Variants in DMBT1 observed in about 807,000 individuals in gnomAD.
DMBT1 encodes the protein deleted in malignant brain tumors 1.
DMBT1 carries 198 observed loss-of-function variants against 252.9 expected under a neutral mutation model. That is an observed-to-expected ratio of 0.78 (90% CI 0.70 to 0.88). The LOEUF (loss-of-function observed/expected upper bound fraction) is 0.88. Ranked by LOEUF, DMBT1 falls within the 40% of genes least tolerant of loss-of-function variation. The pLI, the probability that DMBT1 is intolerant of heterozygous loss-of-function variation, is 0.00. For synonymous variants in DMBT1, 990 were observed against 942.7 expected, an observed-to-expected ratio of 1.05 and a Z score of -0.92; for missense variants, 2,432 against 2,404.7, an observed-to-expected ratio of 1.01 and a Z score of -0.24.
At chr10:122,628,433 C>T (rs1591533994) in intron 46 of DMBT1, among the ~76,000 whole-genome samples, 3 of 152,072 alleles carry the variant, frequency 2.0e-5, no homozygotes, top group South Asian at 2.1e-4. Flanking sequence ...GTCAGGACTT[C>T]GAGACCAGCC....
chr10:122,625,372 T>G, intron 45 of DMBT1, 69 bp downstream of exon 45: 1 of 1,465,550 alleles, frequency 6.8e-7, no homozygotes, highest in Non-Finnish European at 9.5e-7. Context: ...TTTCCAGAAG[T>G]AGGAGGAGTA....
chr10:122,578,770 C>A lies in DMBT1; in HGVS notation c.679+11C>A, dbSNP rs1255778383. ...CTGTACCCACAGAAGGTAAAGAATC[C>A]TCTCAACACTCCCTGGGGCTCACTT... On this transcript the variant is annotated intron_variant, in intron 9 of 55. Coordinates refer to ENST00000338354, the MANE Select transcript of DMBT1 (RefSeq NM_001377530.1). 6.2e-7 allele frequency: 1 copy of A among 1,603,046 alleles called. No homozygotes were observed. The highest frequency in any genetic ancestry group is 1.3e-5 in the African/African-American group (1 of 74,886).
At chr10:122,564,234 C>T (rs1014417774) in intron 1 of DMBT1, among the ~76,000 whole-genome samples, 2 of 152,198 alleles carry the variant, frequency 1.3e-5, no homozygotes, top group Non-Finnish European at 1.5e-5. Context: ...AGTCCTGTCA[C>T]TGGCCTGTTG....
chr10:122,565,740 CAT>C (rs2097584418), intron 1 of DMBT1, among the ~76,000 whole-genome samples: 1 of 152,222 alleles, frequency 6.6e-6, no homozygotes, highest in South Asian at 2.1e-4. Flanking sequence ...AGTAAAGAGA[CAT>C]ATGCTTCATT....
chr10:122,637,199 G>T lies in DMBT1; in HGVS notation c.6829G>T (p.Ala2277Ser). Reference sequence around the variant, plus strand: ...CTATCTCCAATCCTTGGGCTTTTCTGCCAGTGACCTTGTCATTTCCACCTG... The same window carrying T: ...CTATCTCCAATCCTTGGGCTTTTCTTCCAGTGACCTTGTCATTTCCACCTG... ...RSYLQSLGFS[A>S]SDLVISTWNG... The change falls in exon 54 of 56, where the codon GCC becomes TCC. Residue 2277 changes from alanine to serine, a missense_variant. Ala to Ser is a moderately conservative substitution (Grantham distance 99). Coordinates refer to ENST00000338354, the MANE Select transcript of DMBT1 (RefSeq NM_001377530.1). 2.5e-6 allele frequency: 4 copies of T among 1,614,022 alleles called. No individual in the cohort carries two copies. Among genetic ancestry groups the T allele is most frequent in the Non-Finnish European group, 3.4e-6 (4 of 1,179,902 alleles).
At chr10:122,642,682 G>A (rs910146813) in intron 55 of DMBT1, among the ~76,000 whole-genome samples, 7 of 152,076 alleles carry the variant, frequency 4.6e-5, no homozygotes, top group Admixed American at 3.9e-4. Flanking sequence ...GAGTGCAGCC[G>A]AATGAGACCT....
chr10:122,597,882 T>C, intron 24 of DMBT1, 92 bp from the exon 25 acceptor site: 1 of 1,593,836 alleles, frequency 6.3e-7, no homozygotes, highest in South Asian at 1.1e-5. Flanking sequence ...GTGGGGTAGT[T>C]TTCATGATGT....
chr10:122,589,370 C>T, intron 17 of DMBT1, 103 bp downstream of exon 17: 1 of 1,506,082 alleles, frequency 6.6e-7, no homozygotes, highest in Non-Finnish European at 9.0e-7. Flanking sequence ...TCAACCTTTC[C>T]TATGTTTCTG....
chr10:122,585,188 G>T, intron 14 of DMBT1, 83 bp from the exon 15 acceptor site: 1 of 1,514,600 alleles, frequency 6.6e-7, no homozygotes, highest in Non-Finnish European at 9.1e-7. Context: ...TTTTCATGAT[G>T]CTCGCCTTCT....
chr10:122,566,635 C>T (rs2097595708), intron 2 of DMBT1, among the ~76,000 whole-genome samples: 1 of 152,154 alleles, frequency 6.6e-6, no homozygotes, highest in Non-Finnish European at 1.5e-5. Context: ...CTAATAATGA[C>T]AGGTATCTTG....
intron 5 of DMBT1, among the ~76,000 whole-genome samples, chr10:122,572,990 T>G (rs1264289802): frequency 6.6e-6 from 1 of 152,216 alleles, no homozygotes; most frequent in African/African-American, 2.4e-5. Flanking sequence ...GTCCCAGTGC[T>G]GATTTCCTTT....
At chr10:122,568,200 T>C (rs151122775) in intron 2 of DMBT1, among the ~76,000 whole-genome samples, 1 of 152,062 alleles carries the variant, frequency 6.6e-6, no homozygotes, top group Non-Finnish European at 1.5e-5. Flanking sequence ...CCCAGCATGG[T>C]TAATATGGAG....
intron 26 of DMBT1, among the ~76,000 whole-genome samples, chr10:122,599,414 A>C (rs140542666): frequency 1.3e-5 from 2 of 152,140 alleles, no homozygotes; most frequent in African/African-American, 4.8e-5. Context: ...GTGAGGGTAT[A>C]ATGGATGCAG....
At chr10:122,564,069 C>T (rs529084355) in intron 1 of DMBT1, among the ~76,000 whole-genome samples, 4 of 152,286 alleles carry the variant, frequency 2.6e-5, no homozygotes, top group Admixed American at 1.3e-4. Flanking sequence ...GTTTCTATTG[C>T]GAGTTTCTTC....
intron 45 of DMBT1, 64 bp from the exon 46 acceptor site, chr10:122,625,869 C>A (rs2098115208): frequency 7.3e-7 from 1 of 1,373,696 alleles, no homozygotes; most frequent in Non-Finnish European, 1.0e-6. Flanking sequence ...GTCAGTCAAA[C>A]AAATTACTAT....
At chr10:122,581,567 A>T (rs549628867) in intron 11 of DMBT1, among the ~76,000 whole-genome samples, 2 of 148,038 alleles carry the variant, frequency 1.4e-5, no homozygotes, top group East Asian at 2.1e-4. Context: ...AGATAGAAAG[A>T]TACCCCAGGA....
intron 10 of DMBT1, among the ~76,000 whole-genome samples, chr10:122,580,139 G>A (rs954624564): frequency 3.3e-5 from 5 of 152,128 alleles, no homozygotes; most frequent in Non-Finnish European, 5.9e-5. Flanking sequence ...GCAAGGCAAG[G>A]AAGAGGCAGA....
chr10:122,625,538 G>A (rs2098112663), intron 45 of DMBT1, among the ~76,000 whole-genome samples: 1 of 152,216 alleles, frequency 6.6e-6, no homozygotes. Context: ...GCTAAGTGCT[G>A]GCAGAGATGC....
At chr10:122,577,687 G>A (rs1275744781) in intron 7 of DMBT1, 124 bp from the exon 8 acceptor site, 2 of 1,112,632 alleles carry the variant, frequency 1.8e-6, no homozygotes, top group Non-Finnish European at 2.6e-6. Context: ...CACTGGCAGG[G>A]CCCACTTGGT....
Sources: allele counts gnomAD v4.1 joint callset (sites outside exome capture counted in the v4.1 genomes callset), GRCh38; gene constraint gnomAD v4.1.1; transcripts MANE v1.5; gene names NCBI Gene and HGNC (gene_info 2026-07-23, HGNC 2026-07-21).